CDK14: variants seen among roughly 807,000 people sequenced by gnomAD.
CDK14 encodes the protein cyclin-dependent kinase 14.
Under a neutral mutation model 60.7 loss-of-function variants are expected in CDK14, and 34 were observed. The ratio of observed to expected loss-of-function variants is 0.56; its 90% CI spans 0.43 to 0.75. The LOEUF is 0.75. CDK14 is among the 30% of genes least tolerant of loss of function. CDK14 has a pLI of 0.00. For missense variants in CDK14, 482 were observed against 564.1 expected (o/e 0.85, Z 1.47); for synonymous variants, 197 against 203.7 (o/e 0.97, Z 0.28).
chr7:90,671,300 T>TC (rs1801094147), intron 2 of CDK14, among the ~76,000 whole-genome samples: 1 of 152,084 alleles, frequency 6.6e-6, no homozygotes, highest in South Asian at 2.1e-4. Flanking sequence ...TTTTTTTTTT[T>TC]TCTTTTTTCG....
At chr7:90,778,793 T>A (rs938290695) in intron 4 of CDK14, among the ~76,000 whole-genome samples, 2 of 152,142 alleles carry the variant, frequency 1.3e-5, no homozygotes, top group African/African-American at 4.8e-5. Context: ...GTTTATTCTT[T>A]TATCTTCCTT....
chr7:91,108,998 G>C (rs1244845485), intron 12 of CDK14, among the ~76,000 whole-genome samples: 3 of 152,148 alleles, frequency 2.0e-5, no homozygotes, highest in African/African-American at 7.2e-5. Flanking sequence ...TATTTTTTAA[G>C]GTAGACATGC....
At chr7:91,149,318 A>G (rs1314646168) in intron 14 of CDK14, among the ~76,000 whole-genome samples, 5 of 150,050 alleles carry the variant, frequency 3.3e-5, no homozygotes, top group African/African-American at 1.2e-4. Flanking sequence ...AGCACGTTAC[A>G]GCCTATTTCT....
At chr7:90,779,015 G>A (rs1805185213) in intron 4 of CDK14, among the ~76,000 whole-genome samples, 1 of 151,894 alleles carries the variant, frequency 6.6e-6, no homozygotes, top group Non-Finnish European at 1.5e-5. Flanking sequence ...CACTTTGGTA[G>A]GCCGAGGGGT....
chr7:90,913,705 C>T (rs536746117), intron 7 of CDK14, among the ~76,000 whole-genome samples: 1 of 152,250 alleles, frequency 6.6e-6, no homozygotes, highest in African/African-American at 2.4e-5. Flanking sequence ...AAAGTCTGTC[C>T]AGGTGTGTTG....
At chr7:90,686,714 G>C (rs1353168112) in intron 2 of CDK14, among the ~76,000 whole-genome samples, 4 of 152,152 alleles carry the variant, frequency 2.6e-5, no homozygotes, top group Admixed American at 6.5e-5. Flanking sequence ...GAGTATTTCT[G>C]TGATTTTCTA....
At chr7:90,999,087 G>A (rs999006677) in intron 10 of CDK14, among the ~76,000 whole-genome samples, 5 of 151,898 alleles carry the variant, frequency 3.3e-5, no homozygotes, top group African/African-American at 1.2e-4. Context: ...GTTCCATCAT[G>A]GGGGAGTTTA....
At chr7:90,739,480 A>G (rs1390094167) in intron 3 of CDK14, among the ~76,000 whole-genome samples, 1 of 152,122 alleles carries the variant, frequency 6.6e-6, no homozygotes, top group South Asian at 2.1e-4. Flanking sequence ...AATATGGTCT[A>G]TGTCTTAAAA....
At chr7:91,195,972 C>G (rs1342435063) in intron 14 of CDK14, among the ~76,000 whole-genome samples, 1 of 152,206 alleles carries the variant, frequency 6.6e-6, no homozygotes, top group Non-Finnish European at 1.5e-5. Flanking sequence ...GTCTGTGTTT[C>G]CCAGAGTCCT....
chr7:90,686,354 AG>A (rs1801436069), intron 2 of CDK14, among the ~76,000 whole-genome samples: 1 of 152,216 alleles, frequency 6.6e-6, no homozygotes, highest in Non-Finnish European at 1.5e-5. Flanking sequence ...CTCAAAAGGC[AG>A]TTTAATTCAG....
chr7:90,858,873 AAAG>A (rs1790915038), intron 5 of CDK14, among the ~76,000 whole-genome samples: 2 of 152,242 alleles, frequency 1.3e-5, no homozygotes, highest in Non-Finnish European at 2.9e-5. Context: ...TAATTGAAAG[AAAG>A]AAGATTGTAA....
chr7:90,962,290 C>T (rs1011355097), intron 9 of CDK14, among the ~76,000 whole-genome samples: 3 of 152,074 alleles, frequency 2.0e-5, no homozygotes, highest in African/African-American at 7.2e-5. Flanking sequence ...AGTTCAAGAC[C>T]AGTCCCATCA....
At chr7:90,763,613 T>G (rs1051056171) in intron 4 of CDK14, among the ~76,000 whole-genome samples, 4 of 150,010 alleles carry the variant, frequency 2.7e-5, no homozygotes, top group Non-Finnish European at 5.9e-5. Context: ...AGATCTCTCC[T>G]TGAGAACAAT....
intron 5 of CDK14, among the ~76,000 whole-genome samples, chr7:90,820,165 A>G (rs887812464): frequency 6.6e-6 from 1 of 152,180 alleles, no homozygotes; most frequent in East Asian, 1.9e-4. Context: ...TGACCCTTGC[A>G]GCACTTAACT....
chr7:91,026,619 A>G (rs1334902789), intron 10 of CDK14, among the ~76,000 whole-genome samples: 1 of 152,212 alleles, frequency 6.6e-6, no homozygotes, highest in Non-Finnish European at 1.5e-5. Context: ...TTAAGGGAAG[A>G]TCACTAGAGT....
intron 14 of CDK14, among the ~76,000 whole-genome samples, chr7:91,139,133 C>T (rs1023867003): frequency 6.6e-6 from 1 of 152,112 alleles, no homozygotes; most frequent in African/African-American, 2.4e-5. Flanking sequence ...TCAGTGCTCC[C>T]TCAAGAGGGA....
chr7:90,980,191 T>G (rs1795194129), intron 9 of CDK14, among the ~76,000 whole-genome samples: 1 of 152,142 alleles, frequency 6.6e-6, no homozygotes, highest in South Asian at 2.1e-4. Flanking sequence ...TAGGTGGGTG[T>G]TTATGTATTA....
At chr7:90,611,845 T>TG (rs1799544872) in intron 2 of CDK14, among the ~76,000 whole-genome samples, 1 of 150,006 alleles carries the variant, frequency 6.7e-6, no homozygotes, top group Non-Finnish European at 1.5e-5. Context: ...TTTTTTTTTT[T>TG]TTTTTGAGAT....
At chr7:90,713,974 A>T (rs1802153741) in intron 2 of CDK14, among the ~76,000 whole-genome samples, 1 of 152,128 alleles carries the variant, frequency 6.6e-6, no homozygotes, top group Non-Finnish European at 1.5e-5. Flanking sequence ...TAATTTATGT[A>T]ATAAGAGCTC....
Sources: gnomAD v4.1 joint callset for allele counts (sites outside exome capture counted in the v4.1 genomes callset) on GRCh38, gnomAD v4.1.1 for gene constraint, MANE v1.5 for transcripts, NCBI Gene and HGNC (gene_info 2026-07-23, HGNC 2026-07-21) for gene names.